LGR5: variants seen among roughly 807,000 people sequenced by gnomAD.
The protein encoded by LGR5 is leucine rich repeat containing G protein-coupled receptor 5.
Under a neutral mutation model 76.7 loss-of-function variants are expected in LGR5, and 54 were observed. That is an observed-to-expected ratio of 0.70 (90% confidence interval 0.57 to 0.88). The LOEUF (loss-of-function observed/expected upper bound fraction) is 0.88. LGR5 is among the 40% of genes least tolerant of loss of function. LGR5 has a pLI of 0.00. For synonymous variants in LGR5, 406 were observed against 421.9 expected, an observed-to-expected ratio of 0.96 and a Z score of 0.46; for missense variants, 1,078 against 1,073.3, an observed-to-expected ratio of 1.00 and a Z score of -0.06.
chr12:71,445,952 C>G (rs1387091787), intron 1 of LGR5, among the ~76,000 whole-genome samples: 2 of 152,148 alleles, frequency 1.3e-5, no homozygotes, highest in African/African-American at 4.8e-5. Flanking sequence ...AAACAACTTC[C>G]TGAAAGTCAG....
At chr12:71,512,934 G>A (rs759679247) in intron 2 of LGR5, among the ~76,000 whole-genome samples, 1 of 152,200 alleles carries the variant, frequency 6.6e-6, no homozygotes, top group Non-Finnish European at 1.5e-5. Flanking sequence ...AAGGTGCTGG[G>A]TGGATGAGAA....
intron 2 of LGR5, among the ~76,000 whole-genome samples, 156 bp from the exon 3 acceptor site, chr12:71,524,250 T>G (rs1381368130): frequency 2.6e-5 from 4 of 152,238 alleles, no homozygotes; most frequent in Non-Finnish European, 4.4e-5. Context: ...TAGAAATTTA[T>G]AGATATTTTT....
At chr12:71,534,796 G>T (rs1876500593) in intron 3 of LGR5, among the ~76,000 whole-genome samples, 1 of 151,980 alleles carries the variant, frequency 6.6e-6, no homozygotes, top group Non-Finnish European at 1.5e-5. Context: ...TATTCCTTCT[G>T]GTCTCCAGTT....
At chr12:71,466,215 A>G (rs1872857070) in intron 1 of LGR5, among the ~76,000 whole-genome samples, 1 of 152,254 alleles carries the variant, frequency 6.6e-6, no homozygotes, top group African/African-American at 2.4e-5. Context: ...ATACTAGCAT[A>G]ATCCTTCTTT....
At chr12:71,495,336 C>T (rs1847180648) in intron 1 of LGR5, among the ~76,000 whole-genome samples, 1 of 151,182 alleles carries the variant, frequency 6.6e-6, no homozygotes, top group African/African-American at 2.5e-5. Flanking sequence ...AGTTCTTAGT[C>T]ACATAATTAT....
chr12:71,563,189 A>ATG (rs1565759605), intron 8 of LGR5, among the ~76,000 whole-genome samples: 1 of 151,962 alleles, frequency 6.6e-6, no homozygotes, highest in Non-Finnish European at 1.5e-5. Context: ...ACTTTCTCCC[A>ATG]TAAACTCTCC....
At chr12:71,572,334 A>G (rs1181357539) in intron 12 of LGR5, among the ~76,000 whole-genome samples, 1 of 152,090 alleles carries the variant, frequency 6.6e-6, no homozygotes, top group Non-Finnish European at 1.5e-5. Context: ...TGCCCATCTC[A>G]GCCTCCCAAA....
chr12:71,561,898 CA>C, intron 8 of LGR5, 46 bp downstream of exon 8: 1 of 1,085,406 alleles, frequency 9.2e-7, no homozygotes, highest in Non-Finnish European at 1.4e-6. Context: ...TGAAATATAG[CA>C]TATATTATAC....
At chr12:71,570,887 A>G (rs1878579020) in intron 11 of LGR5, among the ~76,000 whole-genome samples, 1 of 152,192 alleles carries the variant, frequency 6.6e-6, no homozygotes, top group African/African-American at 2.4e-5. Context: ...TTGTTCTTAT[A>G]TATCTATGTT....
At chr12:71,580,236 G>T (rs368185552) in intron 15 of LGR5, 42 bp from the exon 16 acceptor site, 1 of 1,545,604 alleles carries the variant, frequency 6.5e-7, no homozygotes, top group East Asian at 2.3e-5. Flanking sequence ...TTAATTATCC[G>T]TTTCTTTAAG....
chr12:71,516,944 C>T (rs1415688248), intron 2 of LGR5, among the ~76,000 whole-genome samples: 1 of 141,452 alleles, frequency 7.1e-6, no homozygotes, highest in South Asian at 2.2e-4. Context: ...CATCTTGTTA[C>T]AGAAGTGAAG....
At chr12:71,468,793 T>C (rs1196119030) in intron 1 of LGR5, among the ~76,000 whole-genome samples, 1 of 150,590 alleles carries the variant, frequency 6.6e-6, no homozygotes, top group African/African-American at 2.5e-5. Context: ...TTTGCTAAAT[T>C]CCTAAAACGT....
intron 5 of LGR5, among the ~76,000 whole-genome samples, chr12:71,554,032 A>T (rs1877635252): frequency 1.3e-5 from 2 of 152,312 alleles, no homozygotes; most frequent in South Asian, 2.1e-4. Flanking sequence ...CAGTGAGCCA[A>T]GATTGTGCCA....
intron 1 of LGR5, among the ~76,000 whole-genome samples, chr12:71,449,486 C>T (rs957754418): frequency 2.6e-5 from 4 of 152,106 alleles, no homozygotes; most frequent in Non-Finnish European, 4.4e-5. Context: ...AGGATGTGAG[C>T]ATATCTCATT....
intron 4 of LGR5, among the ~76,000 whole-genome samples, chr12:71,541,182 T>G (rs1166948813): frequency 1.3e-5 from 2 of 152,184 alleles, no homozygotes; most frequent in Non-Finnish European, 2.9e-5. Flanking sequence ...GAGAATTATT[T>G]TAACAGGAAA....
chr12:71,572,742 G>A, intron 12 of LGR5, 108 bp from the exon 13 acceptor site: 2 of 740,288 alleles, frequency 2.7e-6, no homozygotes, highest in South Asian at 1.8e-5. Context: ...TACACTTCAT[G>A]TGTTCCTTTG....
Position 71,580,278 on chromosome 12 carries a change from G to T in LGR5, c.1407G>T (p.Lys469Asn). The T allele has an allele frequency of 2.5e-6, 4 of 1,606,932 alleles. No individual in the cohort carries two copies. Among genetic ancestry groups the T allele is most frequent in the Non-Finnish European group, 3.4e-6 (4 of 1,177,416 alleles). Residue 469 changes from lysine to asparagine, a missense_variant and splice_region_variant, in exon 16 of 18, where the codon AAG becomes AAT. Physicochemically the swap from Lys to Asn is moderately conservative, Grantham distance 94. Transcript: ENST00000266674. Reference protein sequence around the residue: ...LISSENFPELKVIEMPYAYQC... With the variant: ...LISSENFPELNVIEMPYAYQC... ...TTGTTTGGGTTTTGTTCATTTAAAG[G>T]GTTATAGAAATGCCTTATGCTTACC... is the stretch of plus-strand genomic sequence containing the variant.
intron 1 of LGR5, among the ~76,000 whole-genome samples, chr12:71,459,848 T>G (rs1341718455): frequency 1.3e-5 from 2 of 152,054 alleles, no homozygotes; most frequent in Non-Finnish European, 2.9e-5. Flanking sequence ...TTATTGATAT[T>G]GTTATAAATA....
rs146035213 is a variant in LGR5, at chr12:71,584,265, A to G, written c.2255A>G (p.Asp752Gly). ...TACACCAAGCTCTACTGCAATTTGG[A>G]CAAGGGAGACCTGGAGAATATTTGG... ...IAYTKLYCNL[D>G]KGDLENIWDC... The change falls in exon 18 of 18, where the codon GAC becomes GGC. Residue 752 changes from aspartate to glycine, a missense_variant. By Grantham distance (94) the Asp-to-Gly change is moderately conservative (BLOSUM62 -1). Coordinates refer to ENST00000266674, the MANE Select transcript of LGR5 (RefSeq NM_003667.4). 384 of 1,614,196 alleles carry G rather than the reference A, an allele frequency of 2.4e-4. 2 individuals carry two copies. The East Asian group carries it at 6.5e-3, about 27-fold the overall frequency.
Sources: allele counts gnomAD v4.1 joint callset (sites outside exome capture counted in the v4.1 genomes callset), GRCh38; gene constraint gnomAD v4.1.1; transcripts MANE v1.5; gene names NCBI Gene and HGNC (gene_info 2026-07-23, HGNC 2026-07-21).